The following RGS17 variants were observed in gnomAD, a reference collection of about 807,000 sequenced individuals.
RGS17 encodes the protein regulator of G protein signaling 17, also known as regulator of G-protein signaling 17.
Under a neutral mutation model 25.5 loss-of-function variants are expected in RGS17, and 12 were observed. The ratio of observed to expected loss-of-function variants is 0.47; its 90% confidence interval spans 0.30 to 0.76. RGS17 has a LOEUF of 0.76. Among genes scored for constraint, RGS17 ranks in the 30% least tolerant of loss-of-function variants. The pLI, the probability that RGS17 is intolerant of heterozygous loss-of-function variation, is 0.07. For synonymous variants in RGS17, 71 were observed against 76.9 expected, an observed-to-expected ratio of 0.92 and a Z score of 0.40; for missense variants, 196 against 242.2, an observed-to-expected ratio of 0.81 and a Z score of 1.27.
Position 153,006,401 on chromosome 6 carries a change from G to T in RGS17, c.*5173C>A, listed in dbSNP as rs983372296. On this transcript the variant is annotated 3_prime_UTR_variant, in exon 5 of 5. Transcript: ENST00000206262. Reference sequence around the variant, plus strand: ...TAAACTTTAATTTTAACCTATAATTGTATATCCATTTATCATCTATCTATC... The same window carrying T: ...TAAACTTTAATTTTAACCTATAATTTTATATCCATTTATCATCTATCTATC... The T allele has an allele frequency of 3.5e-4, 49 of 138,034 alleles. No individual in the cohort carries two copies. The highest frequency in any genetic ancestry group is 1.3e-3 in the African/African-American group (45 of 34,652). The allele number at this position is 138,034 out of a possible 1,614,324, so 8.6% of individuals were successfully genotyped here.
rs1779112940 is a variant in RGS17, at chr6:153,009,783, A to T, written c.*1791T>A. The T allele has an allele frequency of 6.6e-6, 1 of 151,970 alleles. No homozygotes were observed. Among genetic ancestry groups the T allele is most frequent in the Non-Finnish European group, 1.5e-5 (1 of 67,842 alleles). 9.4% of individuals were successfully genotyped at this position (151,970 alleles called of 1,614,324 possible). A position where few individuals can be genotyped will look rare whatever the true frequency, so the allele number is the denominator to read the frequency against. The stretch of plus-strand genomic sequence containing the variant: ...TTTTGTTTTCTACTCTGCAATTTTT[A>T]AAAAATCCCATTTTGTCAAACACTG... On this transcript the variant is annotated 3_prime_UTR_variant, in exon 5 of 5. Transcript: ENST00000206262.
chr6:153,049,471 G>A (rs937292763), intron 1 of RGS17, among the ~76,000 whole-genome samples: 2 of 152,098 alleles, frequency 1.3e-5, no homozygotes, highest in African/African-American at 4.8e-5. Flanking sequence ...TAAATTCAAG[G>A]CCGGGCATGG....
intron 1 of RGS17, among the ~76,000 whole-genome samples, chr6:153,055,848 A>G (rs1381001734): frequency 6.6e-6 from 1 of 152,214 alleles, no homozygotes; most frequent in Non-Finnish European, 1.5e-5. Context: ...AGCTGTCCAC[A>G]GTTTTACTCT....
intron 3 of RGS17, 51 bp downstream of exon 3, chr6:153,026,403 T>C (rs751137089): frequency 7.4e-7 from 1 of 1,355,028 alleles, no homozygotes; most frequent in South Asian, 1.2e-5. Flanking sequence ...GCAGTTGATG[T>C]AAATGGCATA....
intron 1 of RGS17, among the ~76,000 whole-genome samples, chr6:153,094,016 T>C (rs955572484): frequency 1.3e-5 from 2 of 152,134 alleles, no homozygotes; most frequent in Non-Finnish European, 2.9e-5. Flanking sequence ...TAATATCTGG[T>C]ATCATCAATG....
At chr6:153,078,196 A>G (rs1776914723) in intron 1 of RGS17, among the ~76,000 whole-genome samples, 1 of 152,104 alleles carries the variant, frequency 6.6e-6, no homozygotes, top group South Asian at 2.1e-4. Context: ...TAGGAAATTT[A>G]TCATCAGCTT....
intron 4 of RGS17, among the ~76,000 whole-genome samples, chr6:153,016,867 G>A (rs1415627807): frequency 6.6e-6 from 1 of 152,150 alleles, no homozygotes; most frequent in Non-Finnish European, 1.5e-5. Context: ...GGTATTGGTG[G>A]TGGATCCCAG....
chr6:153,066,502 A>G (rs1776709622), intron 1 of RGS17, among the ~76,000 whole-genome samples: 1 of 152,336 alleles, frequency 6.6e-6, no homozygotes, highest in Non-Finnish European at 1.5e-5. Flanking sequence ...CCATGAGGCC[A>G]GTATTATCTT....
At chr6:153,102,361 T>TCTA (rs1385436887) in intron 1 of RGS17, among the ~76,000 whole-genome samples, 1 of 152,230 alleles carries the variant, frequency 6.6e-6, no homozygotes, top group African/African-American at 2.4e-5. Flanking sequence ...ACAGACTAGT[T>TCTA]CTAGAGTTGT....
intron 1 of RGS17, among the ~76,000 whole-genome samples, chr6:153,074,056 G>A (rs1372716291): frequency 2.0e-5 from 3 of 152,142 alleles, no homozygotes; most frequent in Admixed American, 2.0e-4. Context: ...TAACAATTCC[G>A]TTGCATTTTA....
intron 1 of RGS17, among the ~76,000 whole-genome samples, chr6:153,086,274 A>G (rs1432689572): frequency 6.6e-6 from 1 of 152,212 alleles, no homozygotes; most frequent in African/African-American, 2.4e-5. Context: ...TAGTGGTTTT[A>G]GAAGTATGTT....
At chr6:153,093,834 G>A (rs1259974845) in intron 1 of RGS17, among the ~76,000 whole-genome samples, 1 of 152,074 alleles carries the variant, frequency 6.6e-6, no homozygotes, top group Non-Finnish European at 1.5e-5. Flanking sequence ...TTGAACTTCA[G>A]CCCTACCTAT....
At chr6:153,122,915 T>A (rs1457326649) in intron 1 of RGS17, among the ~76,000 whole-genome samples, 1 of 77,792 alleles carries the variant, frequency 1.3e-5, no homozygotes, top group Non-Finnish European at 2.6e-5. Context: ...GTATTCCAAT[T>A]CACAATGAAG....
At chr6:153,039,165 C>T (rs1045263932) in intron 2 of RGS17, among the ~76,000 whole-genome samples, 1 of 152,112 alleles carries the variant, frequency 6.6e-6, no homozygotes, top group Non-Finnish European at 1.5e-5. Context: ...GGAAGTGTCA[C>T]ATTAAAGTGG....
chr6:153,105,164 G>T (rs1368507870), intron 1 of RGS17, among the ~76,000 whole-genome samples: 1 of 152,146 alleles, frequency 6.6e-6, no homozygotes, highest in Non-Finnish European at 1.5e-5. Flanking sequence ...CAGCCTCATG[G>T]AATTCAGAAC....
At chr6:153,027,686 G>A (rs1779317500) in intron 2 of RGS17, among the ~76,000 whole-genome samples, 1 of 152,104 alleles carries the variant, frequency 6.6e-6, no homozygotes, top group South Asian at 2.1e-4. Context: ...AGACCCGTCT[G>A]GGAGGCTGGC....
rs113859030 is a variant in RGS17 at position 153,109,786 on chromosome 6, T to C, written c.-26+21338A>G. 7.6e-3 allele frequency among the ~76,000 whole-genome samples: 1,153 copies of C among 152,346 alleles called. 13 individuals carry two copies. Among genetic ancestry groups the C allele is most frequent in the African/African-American group, 0.026 (1,095 of 41,590 alleles). On this transcript the variant is annotated intron_variant, in intron 1 of 4. Coordinates refer to ENST00000206262, the MANE Select transcript of RGS17 (RefSeq NM_012419.5). ...GTCAGGGTGCCATTTAAACTTATCATGCTATATGAGTCTAAAACCTTTTGC... is the reference window on the plus strand; with the variant it reads ...GTCAGGGTGCCATTTAAACTTATCACGCTATATGAGTCTAAAACCTTTTGC...
chr6:153,076,391 G>C (rs1179151411), intron 1 of RGS17, among the ~76,000 whole-genome samples: 2 of 152,140 alleles, frequency 1.3e-5, no homozygotes, highest in Non-Finnish European at 2.9e-5. Context: ...AACTGAATTA[G>C]AATTATTCAC....
chr6:153,036,433 T>C (rs1776240755), intron 2 of RGS17, among the ~76,000 whole-genome samples: 1 of 152,140 alleles, frequency 6.6e-6, no homozygotes, highest in Non-Finnish European at 1.5e-5. Context: ...TCCATTGTTC[T>C]TTAAATGTGG....
Sources: allele counts gnomAD v4.1 joint callset (sites outside exome capture counted in the v4.1 genomes callset), GRCh38; gene constraint gnomAD v4.1.1; transcripts MANE v1.5; gene names NCBI Gene and HGNC (gene_info 2026-07-23, HGNC 2026-07-21).